ERC1: variants seen among roughly 807,000 people sequenced by gnomAD.
ERC1 encodes RAB6 interacting protein 2.
In ERC1, 56 loss-of-function variants were observed where a neutral mutation model predicts 132.0. The observed-to-expected ratio is 0.42, with a 90% CI of 0.34 to 0.53. The LOEUF is 0.53. Ranked by LOEUF, ERC1 falls within the 20% of genes least tolerant of loss-of-function variation. The pLI is 0.03. For missense variants in ERC1, 1,202 were observed against 1,349.9 expected (o/e 0.89, Z 1.72); for synonymous variants, 478 against 476.1 (o/e 1.00, Z -0.05).
chr12:990,788 G>C (rs1026744761), upstream of ERC1, among the ~76,000 whole-genome samples: 1 of 152,136 alleles, frequency 6.6e-6, no homozygotes. Context: ...GAGAAGTAGG[G>C]GGTGGGGCGC....
At chr12:1,343,537 T>G (rs573985108) in intron 15 of ERC1, among the ~76,000 whole-genome samples, 1 of 152,262 alleles carries the variant, frequency 6.6e-6, no homozygotes, top group Admixed American at 6.5e-5. Context: ...TCTTGTAACT[T>G]GAGTTTAGTT....
intron 7 of ERC1, among the ~76,000 whole-genome samples, chr12:1,141,096 T>C (rs893140582): frequency 6.6e-6 from 1 of 152,194 alleles, no homozygotes; most frequent in Non-Finnish European, 1.5e-5. Flanking sequence ...GGGATAAAGG[T>C]AACTAGTTAC....
chr12:1,005,697 G>T (rs949098479), intron 1 of ERC1, among the ~76,000 whole-genome samples: 3 of 151,924 alleles, frequency 2.0e-5, no homozygotes, highest in African/African-American at 7.2e-5. Flanking sequence ...GTTCTTATCT[G>T]GTTTCCTGTT....
intron 8 of ERC1, among the ~76,000 whole-genome samples, chr12:1,169,134 A>G (rs772412238): frequency 1.3e-5 from 2 of 152,210 alleles, no homozygotes; most frequent in Non-Finnish European, 2.9e-5. Flanking sequence ...ATTCATGGCA[A>G]CTACAATTTC....
intron 12 of ERC1, among the ~76,000 whole-genome samples, chr12:1,200,656 T>A (rs1230970909): frequency 3.9e-5 from 6 of 152,122 alleles, no homozygotes; most frequent in Non-Finnish European, 8.8e-5. Context: ...CCTCCCGGGT[T>A]CACACCATTC....
rs548379685 is a variant in ERC1 at position 1,100,639 on chromosome 12, A to G, written c.1087-4111A>G. 3.9e-5 allele frequency among the ~76,000 whole-genome samples: 6 copies of G among 152,252 alleles called. No individual in the cohort carries two copies. In the South Asian group the frequency reaches 1.0e-3, roughly 26 times the overall value. ...AGGTGTAAGAAAAAAAGAGACTCCT[A>G]TGTTTTTGGCTTGAACAACTGGCTG... On this transcript the variant is annotated intron_variant, in intron 3 of 18. Coordinates refer to ENST00000360905, the MANE Select transcript of ERC1 (RefSeq NM_178040.4).
chr12:1,139,675 G>T lies in ERC1; in HGVS notation c.1570-1945G>T, dbSNP rs142114407. Among the ~76,000 whole-genome samples the T allele has an allele frequency of 6.1e-3, 921 of 151,032 alleles. 3 individuals are homozygous for T. The highest frequency in any genetic ancestry group is 7.4e-3 in the Non-Finnish European group (500 of 67,876). ...AAGGCCCAGAAAACTGTTTAATTCA[G>T]AAATAAAGTAGTAAAGTAAAACAGG... On this transcript the variant is annotated intron_variant, in intron 7 of 18. Transcript: ENST00000360905.
At chr12:1,024,118 C>T (rs1168470524) in intron 1 of ERC1, among the ~76,000 whole-genome samples, 2 of 152,194 alleles carry the variant, frequency 1.3e-5, no homozygotes, top group Non-Finnish European at 2.9e-5. Flanking sequence ...CGGTGGCTCA[C>T]GCCTGTAATC....
intron 13 of ERC1, among the ~76,000 whole-genome samples, chr12:1,249,263 C>T (rs773634284): frequency 1.3e-5 from 2 of 152,110 alleles, no homozygotes; most frequent in Admixed American, 6.5e-5. Flanking sequence ...AATTGCTATA[C>T]GCAGAACTGA....
chr12:1,439,312 C>G (rs921868833), intron 17 of ERC1, among the ~76,000 whole-genome samples: 2 of 152,182 alleles, frequency 1.3e-5, no homozygotes, highest in Non-Finnish European at 2.9e-5. Context: ...ACTTACCTGT[C>G]TTCCTAAAGA....
chr12:1,075,225 G>T (rs1467070756), intron 2 of ERC1, among the ~76,000 whole-genome samples: 1 of 151,770 alleles, frequency 6.6e-6, no homozygotes, highest in Non-Finnish European at 1.5e-5. Flanking sequence ...GTACAAAGTG[G>T]GGTTATATCT....
At chr12:1,426,609 T>C (rs1003526954) in intron 17 of ERC1, among the ~76,000 whole-genome samples, 7 of 152,308 alleles carry the variant, frequency 4.6e-5, no homozygotes, top group Non-Finnish European at 8.8e-5. Context: ...ACTATACAGC[T>C]TTTGCCAAAT....
intron 15 of ERC1, among the ~76,000 whole-genome samples, chr12:1,351,233 G>T (rs1021629181): frequency 6.6e-6 from 1 of 152,200 alleles, no homozygotes; most frequent in Non-Finnish European, 1.5e-5. Flanking sequence ...CTGAAATATA[G>T]TCTAGTCCTA....
chr12:1,322,022 A>G (rs2082147352), intron 15 of ERC1, among the ~76,000 whole-genome samples: 1 of 152,166 alleles, frequency 6.6e-6, no homozygotes, highest in Non-Finnish European at 1.5e-5. Context: ...AATATGTTTT[A>G]TACCCACTAA....
intron 8 of ERC1, chr12:1,151,898 T>A (rs1950870894): frequency 6.6e-6 from 1 of 152,114 alleles, no homozygotes; most frequent in Admixed American, 6.6e-5. Context: ...GATGATGGAG[T>A]TTAAAAATAG....
chr12:1,059,431 A>C (rs1973607539), intron 2 of ERC1, among the ~76,000 whole-genome samples: 1 of 152,196 alleles, frequency 6.6e-6, no homozygotes, highest in Non-Finnish European at 1.5e-5. Context: ...GAGGAAATGC[A>C]TTCAGCTTTT....
chr12:996,129 C>T (rs997507696), intron 1 of ERC1, among the ~76,000 whole-genome samples: 2 of 149,212 alleles, frequency 1.3e-5, no homozygotes, highest in Non-Finnish European at 3.0e-5. Flanking sequence ...CTCTTTGTTG[C>T]CCAGGCTGGA....
At chr12:1,339,253 T>C (rs1028443846) in intron 15 of ERC1, among the ~76,000 whole-genome samples, 3 of 140,936 alleles carry the variant, frequency 2.1e-5, no homozygotes, top group Non-Finnish European at 4.6e-5. Context: ...GACAGGGTGC[T>C]AGCAGGTGCC....
chr12:1,394,015 C>CAA (rs1216337061), intron 16 of ERC1, among the ~76,000 whole-genome samples: 731 of 26,794 alleles, frequency 0.027, 54 homozygotes, highest in African/African-American at 0.11. Flanking sequence ...GACTCCGTCT[C>CAA]AAAAAAAAAA....
Sources: gnomAD v4.1 joint callset for allele counts (sites outside exome capture counted in the v4.1 genomes callset) on GRCh38, gnomAD v4.1.1 for gene constraint, MANE v1.5 for transcripts, NCBI Gene and HGNC (gene_info 2026-07-23, HGNC 2026-07-21) for gene names.